The following GYS2 variants were observed in gnomAD, a reference collection of about 807,000 sequenced individuals.
GYS2 encodes glycogen [starch] synthase, liver.
In GYS2, 80 loss-of-function variants were observed where a neutral mutation model predicts 85.6. The ratio of observed to expected loss-of-function variants is 0.93; its 90% CI spans 0.78 to 1.13. GYS2 has a LOEUF of 1.13. Among genes scored for constraint, GYS2 ranks in the 50% most tolerant of loss-of-function variants. GYS2 has a pLI of 0.00. For synonymous variants in GYS2, 328 were observed against 300.7 expected, an observed-to-expected ratio of 1.09 and a Z score of -0.94; for missense variants, 881 against 854.9, an observed-to-expected ratio of 1.03 and a Z score of -0.38.
intron 1 of GYS2, among the ~76,000 whole-genome samples, chr12:21,585,193 T>C (rs1944558876): frequency 6.6e-6 from 1 of 152,156 alleles, no homozygotes; most frequent in Non-Finnish European, 1.5e-5. Context: ...CCTGTTCCCA[T>C]GGCATTATGT....
At chr12:21,583,677 G>C (rs1944538845) in intron 1 of GYS2, among the ~76,000 whole-genome samples, 1 of 152,168 alleles carries the variant, frequency 6.6e-6, no homozygotes, top group Non-Finnish European at 1.5e-5. Flanking sequence ...CTCTCTTTTA[G>C]GGAGAAAGCT....
At chr12:21,570,944 T>C (rs111352409) in intron 4 of GYS2, among the ~76,000 whole-genome samples, 7 of 152,364 alleles carry the variant, frequency 4.6e-5, no homozygotes, top group African/African-American at 1.7e-4. Context: ...ACAACAAATG[T>C]CAAATGTTTA....
At chr12:21,546,242 C>A in intron 12 of GYS2, 102 bp downstream of exon 12, 1 of 871,656 alleles carries the variant, frequency 1.1e-6, no homozygotes, top group Non-Finnish European at 1.7e-6. Context: ...GAATTGAAAT[C>A]TTATTAGAAA....
chr12:21,555,903 C>T (rs1944173737), intron 11 of GYS2, among the ~76,000 whole-genome samples: 1 of 152,186 alleles, frequency 6.6e-6, no homozygotes, highest in African/African-American at 2.4e-5. Context: ...AGTAACAATT[C>T]TATGGCCTAG....
At chr12:21,535,684 A>C (rs1943903871), downstream of GYS2, among the ~76,000 whole-genome samples, 1 of 152,196 alleles carries the variant, frequency 6.6e-6, no homozygotes, top group South Asian at 2.1e-4. Flanking sequence ...CGTTGCTGCT[A>C]TTCCATTTTT....
chr12:21,580,095 A>C (rs1355858802), intron 2 of GYS2, among the ~76,000 whole-genome samples: 3 of 152,220 alleles, frequency 2.0e-5, no homozygotes, highest in Non-Finnish European at 4.4e-5. Context: ...TTATGTACAA[A>C]TGACTTCCTC....
chr12:21,539,413 C>T lies in GYS2; in HGVS notation c.1810-75G>A, dbSNP rs901273065. 1.6e-5 allele frequency: 13 copies of T among 821,666 alleles called. No homozygotes were observed. In the African/African-American group the frequency reaches 2.2e-4, roughly 14 times the overall value. 50.9% of individuals were successfully genotyped at this position (821,666 alleles called of 1,614,324 possible). On this transcript the variant is annotated intron_variant, in intron 14 of 15. Transcript: ENST00000261195. ...CAATAATCAAGTTATTAAATAAGGC[C>T]TTATTCTCCTAGTTCTGAAACATAT...
At chr12:21,573,806 C>G (rs1266170008) in intron 4 of GYS2, among the ~76,000 whole-genome samples, 2 of 152,194 alleles carry the variant, frequency 1.3e-5, no homozygotes, top group African/African-American at 4.8e-5. Context: ...CATGTGGATC[C>G]AGGGTGTTCA....
Position 21,543,905 on chromosome 12 carries a change from T to C in GYS2, c.1550-1314A>G, listed in dbSNP as rs75325495. ...ATGAAGAGAAATATTCTTATACACA[T>C]ATGTATACAAAATTTTGTCTACAAT... is the stretch of plus-strand genomic sequence containing the variant. On this transcript the variant is annotated intron_variant, in intron 12 of 15. Coordinates refer to ENST00000261195, the MANE Select transcript of GYS2 (RefSeq NM_021957.4). Among the ~76,000 whole-genome samples the C allele has an allele frequency of 1.3e-3, 191 of 152,302 alleles. 1 individual carries two copies. Among genetic ancestry groups the C allele is most frequent in the Non-Finnish European group, 2.2e-3 (150 of 68,028 alleles).
At chr12:21,569,109 G>T in intron 4 of GYS2, 100 bp from the exon 5 acceptor site, 1 of 1,237,636 alleles carries the variant, frequency 8.1e-7, no homozygotes, top group Non-Finnish European at 1.2e-6. Flanking sequence ...CCTCAAGGCT[G>T]TGTAAAAATT....
chr12:21,567,391 A>G (rs982503588), intron 5 of GYS2, among the ~76,000 whole-genome samples: 4 of 152,176 alleles, frequency 2.6e-5, no homozygotes, highest in African/African-American at 9.6e-5. Flanking sequence ...AGAAATGAGC[A>G]TATTGATGGA....
intron 4 of GYS2, among the ~76,000 whole-genome samples, chr12:21,570,284 A>G (rs1464300130): frequency 6.6e-6 from 1 of 152,248 alleles, no homozygotes; most frequent in African/African-American, 2.4e-5. Context: ...TCTCTCATTT[A>G]ATCAACTTTT....
rs764561518 is a variant in GYS2 at position 21,537,038 on chromosome 12, C to T, written c.2028G>A (p.Arg676=). The T allele has an allele frequency of 1.9e-6, 3 of 1,613,822 alleles. No individual in the cohort carries two copies. The highest frequency in any genetic ancestry group is 1.7e-5 in the Admixed American group (1 of 59,978). Residue 676 remains arginine, a synonymous_variant, in exon 16 of 16, where the codon AGG becomes AGA. Coordinates refer to ENST00000261195, the MANE Select transcript of GYS2 (RefSeq NM_021957.4). ...ERYDEEEEAE[R]DRLNIKSPFS... is the part of the protein sequence containing the mutation. Reference sequence around the variant, plus strand: ...ATGGTGACTTGATATTTAACCGATCCCTTTCAGCCTCCTCTTCCTCATCGT... The same window carrying T: ...ATGGTGACTTGATATTTAACCGATCTCTTTCAGCCTCCTCTTCCTCATCGT...
Position 21,562,591 on chromosome 12 carries a change from C to T in GYS2, c.1062+327G>A, listed in dbSNP as rs1305600259. ...TCTATATTTACTTTTCAATTGATTACAAACTCATGTGAGGGAAAAGGGATG... is the reference window on the plus strand; with the variant it reads ...TCTATATTTACTTTTCAATTGATTATAAACTCATGTGAGGGAAAAGGGATG... On this transcript the variant is annotated intron_variant, in intron 7 of 15. Coordinates refer to ENST00000261195, the MANE Select transcript of GYS2 (RefSeq NM_021957.4). Among the ~76,000 whole-genome samples the T allele has an allele frequency of 2.0e-5, 3 of 146,934 alleles. No individual in the cohort carries two copies. In the East Asian group the frequency reaches 6.1e-4, roughly 30 times the overall value.
chr12:21,553,474 CTA>C (rs1944137902), intron 11 of GYS2, among the ~76,000 whole-genome samples: 1 of 152,180 alleles, frequency 6.6e-6, no homozygotes, highest in African/African-American at 2.4e-5. Context: ...CCCTCTGGAT[CTA>C]TTGCAGCAGC....
At chr12:21,542,642 T>C (rs1319259841) in intron 12 of GYS2, 51 bp from the exon 13 acceptor site, 5 of 1,187,596 alleles carry the variant, frequency 4.2e-6, no homozygotes, top group Admixed American at 1.7e-5. Context: ...GCCTATATCC[T>C]TGTATGCACT....
At position 21,559,152 on chromosome 12, in the gene GYS2, A is replaced by T; in HGVS notation, c.1247T>A (p.Leu416Gln). The T allele has an allele frequency of 6.2e-7, 1 of 1,606,824 alleles. No homozygotes were observed. Among genetic ancestry groups the T allele is most frequent in the Non-Finnish European group, 8.5e-7 (1 of 1,174,150 alleles). Reference sequence around the variant, plus strand: ...ATCATCTCGATCTAAAATATCGTTCAGGTCAGGAATTTCTCCTCTGCAGGG... The same window carrying T: ...ATCATCTCGATCTAAAATATCGTTCTGGTCAGGAATTTCTCCTCTGCAGGG... ...DALLRGEIPD[L>Q]NDILDRDDLT... The change falls in exon 10 of 16, where the codon CTG (leucine) becomes CAG (glutamine). Residue 416 changes from leucine (L) to glutamine (Q), a missense_variant. By Grantham distance (113) the Leu-to-Gln change is moderately radical. Coordinates refer to ENST00000261195, the MANE Select transcript of GYS2 (RefSeq NM_021957.4).
intron 2 of GYS2, among the ~76,000 whole-genome samples, chr12:21,578,733 C>T (rs754585435): frequency 1.3e-5 from 2 of 151,896 alleles, no homozygotes; most frequent in African/African-American, 4.8e-5. Flanking sequence ...GTGAGACAAG[C>T]GAAAAATGAT....
chr12:21,549,871 T>C (rs1040891166), intron 11 of GYS2, among the ~76,000 whole-genome samples: 1 of 152,198 alleles, frequency 6.6e-6, no homozygotes, highest in African/African-American at 2.4e-5. Context: ...AAAGTTATTC[T>C]TTTTACTCTT....
Sources: allele counts gnomAD v4.1 joint callset (sites outside exome capture counted in the v4.1 genomes callset), GRCh38; gene constraint gnomAD v4.1.1; transcripts MANE v1.5; gene names NCBI Gene and HGNC (gene_info 2026-07-23, HGNC 2026-07-21).